Variants in SNTB2 observed in about 807,000 individuals in gnomAD.
SNTB2 encodes the protein syntrophin beta 2, also known as beta-2-syntrophin.
Under a neutral mutation model 46.2 loss-of-function variants are expected in SNTB2, and 34 were observed. The ratio of observed to expected loss-of-function variants is 0.74; its 90% CI spans 0.56 to 0.98. SNTB2 has a LOEUF of 0.98. Ranked by LOEUF, SNTB2 falls within the 50% of genes least tolerant of loss-of-function variation. SNTB2 has a pLI of 0.00. For missense variants in SNTB2, 603 were observed against 731.4 expected (o/e 0.82, Z 2.02); for synonymous variants, 290 against 312.6 (o/e 0.93, Z 0.76).
rs1567406076 is a variant in SNTB2 at position 69,245,586 on chromosome 16, A to G, written c.581-16A>G. Reference sequence around the variant, plus strand: ...GCAAAATTACTAACCTTCTTCTTTGATTTTTTTGTTCATAGTCAAGTTCAT... The same window carrying G: ...GCAAAATTACTAACCTTCTTCTTTGGTTTTTTTGTTCATAGTCAAGTTCAT... On this transcript the variant is annotated splice_polypyrimidine_tract_variant and intron_variant, in intron 1 of 6. Transcript: ENST00000336278. 6.2e-7 allele frequency: 1 copy of G among 1,612,010 alleles called. No individual in the cohort carries two copies. Among genetic ancestry groups the G allele is most frequent in the Non-Finnish European group, 8.5e-7 (1 of 1,178,358 alleles).
intron 1 of SNTB2, among the ~76,000 whole-genome samples, chr16:69,195,443 A>ATTTTTTT (rs71383971): frequency 7.2e-6 from 1 of 139,056 alleles, no homozygotes; most frequent in Non-Finnish European, 1.6e-5. Context: ...CCTGGTTTGC[A>ATTTTTTT]TTTTTTTTTT....
intron 4 of SNTB2, among the ~76,000 whole-genome samples, chr16:69,281,521 A>G (rs149780560): frequency 2.2e-4 from 29 of 133,482 alleles, no homozygotes; most frequent in African/African-American, 7.4e-4. Context: ...TTACATATGG[A>G]TGTCTACTTA....
intron 2 of SNTB2, 150 bp from the exon 3 acceptor site, chr16:69,259,900 G>C: frequency 1.4e-6 from 1 of 691,020 alleles, no homozygotes. Flanking sequence ...ATGAGCCACC[G>C]TGCCCAGCCA....
At position 69,276,963 on chromosome 16, in the gene SNTB2, C is replaced by T. The variant is rs536390368; in HGVS notation, c.1148+6678C>T. Among the ~76,000 whole-genome samples, 4 of 152,256 alleles carry T rather than the reference C, an allele frequency of 2.6e-5. No homozygotes were observed. The South Asian group carries it at 8.3e-4, about 32-fold the overall frequency. On this transcript the variant is annotated intron_variant, in intron 4 of 6. Coordinates refer to ENST00000336278, the MANE Select transcript of SNTB2 (RefSeq NM_006750.4). ...GACCCTTGAGTATTCATCTTTGTAA[C>T]ATTCTGTGTGATGAAATGGGAAGTA...
At chr16:69,245,283 T>C (rs965543283) in intron 1 of SNTB2, among the ~76,000 whole-genome samples, 1 of 152,040 alleles carries the variant, frequency 6.6e-6, no homozygotes, top group Non-Finnish European at 1.5e-5. Flanking sequence ...AGCCACCGCC[T>C]CCCGGGTTCA....
At chr16:69,192,421 A>G (rs1964064006) in intron 1 of SNTB2, among the ~76,000 whole-genome samples, 1 of 152,220 alleles carries the variant, frequency 6.6e-6, no homozygotes, top group Admixed American at 6.5e-5. Flanking sequence ...AAGTGAAATA[A>G]TTTGGAGAGT....
intron 2 of SNTB2, among the ~76,000 whole-genome samples, chr16:69,254,934 C>G (rs1306592943): frequency 6.6e-6 from 1 of 152,050 alleles, no homozygotes. Flanking sequence ...GCAATGGGCT[C>G]TTAGGATGGA....
chr16:69,263,013 A>G (rs1262395546), intron 3 of SNTB2, among the ~76,000 whole-genome samples: 1 of 152,058 alleles, frequency 6.6e-6, no homozygotes. Flanking sequence ...GAATTTATTC[A>G]TCCTGTTTAA....
At chr16:69,246,076 A>G (rs1053944325) in intron 2 of SNTB2, among the ~76,000 whole-genome samples, 1 of 152,152 alleles carries the variant, frequency 6.6e-6, no homozygotes, top group Non-Finnish European at 1.5e-5. Flanking sequence ...GGTGAAAGAA[A>G]GAGGGGGCAT....
chr16:69,243,177 T>C (rs769571871), intron 1 of SNTB2, among the ~76,000 whole-genome samples: 2 of 152,134 alleles, frequency 1.3e-5, no homozygotes, highest in Non-Finnish European at 2.9e-5. Flanking sequence ...TTCTGAAATA[T>C]GTTGTGGATT....
chr16:69,275,412 T>C (rs1349777870), intron 4 of SNTB2, among the ~76,000 whole-genome samples: 2 of 152,222 alleles, frequency 1.3e-5, no homozygotes, highest in East Asian at 3.8e-4. Context: ...CAGGGATTCT[T>C]TACTCCTTGT....
chr16:69,275,041 T>TC (rs1348529697), intron 4 of SNTB2, among the ~76,000 whole-genome samples: 2 of 150,884 alleles, frequency 1.3e-5, no homozygotes, highest in Non-Finnish European at 3.0e-5. Context: ...CTTTCTTTTC[T>TC]CCCCTCCCTT....
rs1194213272 is a variant in SNTB2, at chr16:69,308,278, G to A, written c.*7354G>A. On this transcript the variant is annotated 3_prime_UTR_variant, in exon 7 of 7. Transcript: ENST00000336278. ...TTCTATCTGGGTCCTGTTAAAGCGGGTGTCAGTTGTGTCTTTTCACCTCGA... is the reference window on the plus strand; with the variant it reads ...TTCTATCTGGGTCCTGTTAAAGCGGATGTCAGTTGTGTCTTTTCACCTCGA... The A allele has an allele frequency of 6.6e-6, 1 of 152,650 alleles. No homozygotes were observed. The highest frequency in any genetic ancestry group is 2.4e-5 in the African/African-American group (1 of 41,448). 9.5% of individuals were successfully genotyped at this position (152,650 alleles called of 1,614,324 possible).
intron 5 of SNTB2, among the ~76,000 whole-genome samples, chr16:69,289,416 C>G (rs992156416): frequency 1.3e-5 from 2 of 151,834 alleles, no homozygotes; most frequent in South Asian, 2.1e-4. Context: ...GGAATAAATT[C>G]TAATGTTCAA....
At chr16:69,250,275 G>C (rs1964713580) in intron 2 of SNTB2, among the ~76,000 whole-genome samples, 1 of 152,208 alleles carries the variant, frequency 6.6e-6, no homozygotes, top group African/African-American at 2.4e-5. Flanking sequence ...TCATGGGAAT[G>C]TGAACATCTG....
intron 5 of SNTB2, among the ~76,000 whole-genome samples, chr16:69,296,677 A>G (rs1228940442): frequency 1.3e-5 from 2 of 149,662 alleles, no homozygotes; most frequent in South Asian, 4.3e-4. Flanking sequence ...AGCCGAGATC[A>G]TGCCACTGCA....
intron 1 of SNTB2, chr16:69,235,978 G>A (rs1964556325): frequency 1.4e-6 from 1 of 708,150 alleles, no homozygotes; most frequent in Middle Eastern, 4.4e-4. Context: ...GATTAATAGA[G>A]GTGGAATTTG....
At chr16:69,252,908 T>TC (rs1258082243) in intron 2 of SNTB2, among the ~76,000 whole-genome samples, 10 of 151,238 alleles carry the variant, frequency 6.6e-5, no homozygotes, top group East Asian at 1.9e-4. Context: ...TGTCAGTTTT[T>TC]TTTTTTTTTT....
chr16:69,258,605 CTTTTTTTTTTT>C (rs67116274), intron 2 of SNTB2, among the ~76,000 whole-genome samples: 4 of 83,504 alleles, frequency 4.8e-5, no homozygotes, highest in Admixed American at 3.0e-4. Flanking sequence ...CTTGTTCTTT[CTTTTTTTTTTT>C]TTTTTTTTTT....
Sources: gnomAD v4.1 joint callset for allele counts (sites outside exome capture counted in the v4.1 genomes callset) on GRCh38, gnomAD v4.1.1 for gene constraint, MANE v1.5 for transcripts, NCBI Gene and HGNC (gene_info 2026-07-23, HGNC 2026-07-21) for gene names.